FBXL13: variants seen among roughly 807,000 people sequenced by gnomAD.
FBXL13 encodes the protein F-box and leucine rich repeat protein 13, also known as F-box and leucine-rich repeat protein 13.
In FBXL13, 67 loss-of-function variants were observed where a neutral mutation model predicts 83.6. The observed-to-expected ratio is 0.80, with a 90% confidence interval of 0.66 to 0.98. The LOEUF is 0.98. FBXL13 is among the 50% of genes least tolerant of loss of function. The pLI is 0.00. For missense variants in FBXL13, 822 were observed against 866.5 expected, an observed-to-expected ratio of 0.95 and a Z score of 0.64; for synonymous variants, 272 against 299.5, an observed-to-expected ratio of 0.91 and a Z score of 0.95.
intron 18 of FBXL13, among the ~76,000 whole-genome samples, chr7:102,826,724 CATATATATATATATAT>C (rs58307950): frequency 0.012 from 732 of 62,730 alleles, 34 homozygotes; most frequent in Middle Eastern, 0.033. Context: ...GACCCTGTCT[CATATATATATATATAT>C]ATATATATAT....
In FBXL13 at chr7:103,018,299, T is replaced by G. The variant is rs565987903; in HGVS notation, c.495+6764A>C. ...TGAGAGATTTTGTCACCACTAGGCC[T>G]GCCTTACAAGAGCTCCTGAAGGAAG... On this transcript the variant is annotated intron_variant, in intron 6 of 19. Transcript: ENST00000313221. Among the ~76,000 whole-genome samples the G allele has an allele frequency of 2.2e-3, 342 of 152,262 alleles. 1 individual carries two copies. The highest frequency in any genetic ancestry group is 0.02 in the Middle Eastern group (6 of 294).
At chr7:102,827,272 G>A (rs185645690) in intron 18 of FBXL13, 5 of 349,332 alleles carry the variant, frequency 1.4e-5, no homozygotes, top group Admixed American at 1.3e-4. Flanking sequence ...AGGCCAACCA[G>A]CTCTAAGGGG....
At chr7:102,828,636 G>A (rs1036921099) in intron 18 of FBXL13, among the ~76,000 whole-genome samples, 14 of 152,180 alleles carry the variant, frequency 9.2e-5, no homozygotes, top group African/African-American at 3.1e-4. Context: ...TCTGTAAAAT[G>A]AGGGTAATTT....
intron 6 of FBXL13, among the ~76,000 whole-genome samples, chr7:103,012,930 A>G (rs1791815526): frequency 6.6e-6 from 1 of 152,366 alleles, no homozygotes; most frequent in East Asian, 1.9e-4. Context: ...CTAGGCTTAA[A>G]GTAAAGGGAT....
intron 8 of FBXL13, among the ~76,000 whole-genome samples, chr7:102,953,609 T>G (rs766248602): frequency 1.1e-4 from 17 of 152,170 alleles, no homozygotes; most frequent in Admixed American, 3.3e-4. Context: ...TAGTGCTGGT[T>G]GCTCAACATT....
chr7:103,072,010 C>T (rs1052454667), intron 1 of FBXL13, among the ~76,000 whole-genome samples: 1 of 151,850 alleles, frequency 6.6e-6, no homozygotes, highest in African/African-American at 2.4e-5. Context: ...TGGTGAAACC[C>T]TGTCTCGACT....
chr7:103,000,521 G>C (rs924595005), intron 6 of FBXL13, among the ~76,000 whole-genome samples: 15 of 152,140 alleles, frequency 9.9e-5, no homozygotes, highest in Non-Finnish European at 2.1e-4. Context: ...GTCTATCCTG[G>C]AGAATGCTTT....
intron 5 of FBXL13, among the ~76,000 whole-genome samples, chr7:103,026,371 C>T (rs575184347): frequency 6.6e-6 from 1 of 152,148 alleles, no homozygotes; most frequent in African/African-American, 2.4e-5. Context: ...GTACAGTTAC[C>T]TATTTCACTA....
intron 6 of FBXL13, among the ~76,000 whole-genome samples, chr7:102,971,216 G>A (rs138028994): frequency 3.3e-5 from 5 of 152,130 alleles, no homozygotes; most frequent in Non-Finnish European, 7.4e-5. Flanking sequence ...AGACTGTCAC[G>A]TAGACAGAAC....
chr7:103,014,921 CAAAA>C lies in FBXL13; in HGVS notation c.495+10138_495+10141del, dbSNP rs1166056647. Among the ~76,000 whole-genome samples the C allele has an allele frequency of 8.3e-3, 171 of 20,582 alleles. 2 individuals carry two copies. In the East Asian group the frequency reaches 0.18, roughly 21 times the overall value. The allele number at this position is 20,582 out of a possible 152,430, so 13.5% of individuals were successfully genotyped here. A position where few individuals can be genotyped will look rare whatever the true frequency, so the allele number is the denominator to read the frequency against. Reference sequence around the variant, plus strand: ...CCTGGGCGACAGGGAGACTCCGTCTCAAAAAAAAAAAAAAAAAAAAAAAAAAGAA... The same window carrying C: ...CCTGGGCGACAGGGAGACTCCGTCTCAAAAAAAAAAAAAAAAAAAAAAGAA... On this transcript the variant is annotated intron_variant, in intron 6 of 19. Coordinates refer to ENST00000313221, the Ensembl canonical transcript of FBXL13.
At chr7:103,048,395 TTTC>T (rs1796488478) in intron 2 of FBXL13, among the ~76,000 whole-genome samples, 1 of 88,242 alleles carries the variant, frequency 1.1e-5, no homozygotes, top group African/African-American at 2.7e-5. Flanking sequence ...TTGTCTTTCC[TTTC>T]TTTTTTTTTT....
chr7:102,978,712 G>A, intron 6 of FBXL13: 1 of 201,388 alleles, frequency 5.0e-6, no homozygotes, highest in South Asian at 1.0e-4. Flanking sequence ...GGTTTGAACT[G>A]ATACAAGAAT....
intron 2 of FBXL13, among the ~76,000 whole-genome samples, chr7:103,039,277 G>C (rs1469988240): frequency 6.6e-6 from 1 of 152,154 alleles, no homozygotes; most frequent in East Asian, 1.9e-4. Flanking sequence ...AGAGAAAAAA[G>C]AGTGAAAAGA....
intron 16 of FBXL13, among the ~76,000 whole-genome samples, chr7:102,855,218 T>C (rs888675983): frequency 1.3e-5 from 2 of 152,220 alleles, no homozygotes; most frequent in African/African-American, 4.8e-5. Context: ...TTCATGTGGA[T>C]AAAGAACCTA....
At chr7:103,049,571 T>C (rs560104863) in intron 2 of FBXL13, among the ~76,000 whole-genome samples, 5 of 152,224 alleles carry the variant, frequency 3.3e-5, no homozygotes, top group African/African-American at 1.2e-4. Context: ...CATTCACCAG[T>C]TTTTAAGTTT....
chr7:102,919,351 G>A (rs770362107), intron 10 of FBXL13, among the ~76,000 whole-genome samples: 10 of 152,044 alleles, frequency 6.6e-5, no homozygotes, highest in Non-Finnish European at 1.5e-4. Flanking sequence ...CAACTTTGAA[G>A]GACAGGAATA....
intron 17 of FBXL13, among the ~76,000 whole-genome samples, chr7:102,850,906 G>T (rs1436618529): frequency 6.6e-6 from 1 of 152,128 alleles, no homozygotes; most frequent in East Asian, 1.9e-4. Flanking sequence ...ATTCCCTTAA[G>T]TATGATTACA....
chr7:102,853,353 G>A (rs1279928243), intron 17 of FBXL13, among the ~76,000 whole-genome samples: 1 of 152,124 alleles, frequency 6.6e-6, no homozygotes, highest in Non-Finnish European at 1.5e-5. Flanking sequence ...GAATTAATCA[G>A]TTTTCAAAAA....
At chr7:103,071,387 T>C (rs947037339) in intron 1 of FBXL13, among the ~76,000 whole-genome samples, 1 of 152,016 alleles carries the variant, frequency 6.6e-6, no homozygotes, top group African/African-American at 2.4e-5. Flanking sequence ...TGTTTTTTAA[T>C]TTTTTATTTT....
Sources: gnomAD v4.1 joint callset for allele counts (sites outside exome capture counted in the v4.1 genomes callset) on GRCh38, gnomAD v4.1.1 for gene constraint, MANE v1.5 for transcripts, NCBI Gene and HGNC (gene_info 2026-07-23, HGNC 2026-07-21) for gene names.